The following PLEKHH2 variants were observed in gnomAD, a reference collection of about 807,000 sequenced individuals.
The protein encoded by PLEKHH2 is pleckstrin homology domain-containing family H member 2.
Under a neutral mutation model 187.9 loss-of-function variants are expected in PLEKHH2, and 129 were observed. The observed-to-expected ratio is 0.69, with a 90% CI of 0.59 to 0.79. The LOEUF (loss-of-function observed/expected upper bound fraction) is 0.79. Ranked by LOEUF, PLEKHH2 falls within the 30% of genes least tolerant of loss-of-function variation. PLEKHH2 has a pLI of 0.00. For synonymous variants in PLEKHH2, 686 were observed against 605.6 expected (o/e 1.13, Z -1.95); for missense variants, 2,076 against 1,751.2 (o/e 1.19, Z -3.31).
chr2:43,734,772 A>G (rs1671208970), intron 19 of PLEKHH2, among the ~76,000 whole-genome samples: 1 of 152,248 alleles, frequency 6.6e-6, no homozygotes, highest in African/African-American at 2.4e-5. Context: ...AAAGTAAGTC[A>G]GTATATTGAA....
chr2:43,730,442 A>G (rs1260537228), intron 18 of PLEKHH2, among the ~76,000 whole-genome samples: 5 of 152,234 alleles, frequency 3.3e-5, no homozygotes, highest in Admixed American at 3.3e-4. Context: ...TCTGTCACCC[A>G]GGCTGGAGTG....
chr2:43,693,193 G>A, intron 4 of PLEKHH2, among the ~76,000 whole-genome samples: 1 of 152,100 alleles, frequency 6.6e-6, no homozygotes, highest in Non-Finnish European at 1.5e-5. Context: ...CCAACCTGCT[G>A]GGATTACAGG....
intron 15 of PLEKHH2, among the ~76,000 whole-genome samples, chr2:43,713,204 G>A (rs906197093): frequency 3.9e-5 from 6 of 152,058 alleles, no homozygotes; most frequent in Non-Finnish European, 8.8e-5. Context: ...ATTTAATTAT[G>A]AGATGTTCCT....
At chr2:43,760,306 C>T (rs1006505381) in intron 27 of PLEKHH2, among the ~76,000 whole-genome samples, 1 of 151,480 alleles carries the variant, frequency 6.6e-6, no homozygotes. Flanking sequence ...TGCTTCATGG[C>T]ATCCTGTTTT....
rs1439322815 is a variant in PLEKHH2, at chr2:43,765,508, A to G, written c.4392A>G (p.Ser1464=). ...ACCTCTCTGCTCCAGCACTGCTCTC[A>G]GCCCAGACCCGGGGACCCCAAGCCA... is the stretch of plus-strand genomic sequence containing the variant. ...FHHLSAPALL[S]AQTRGPQARM... Residue 1464 remains serine (S), a synonymous_variant, in exon 30 of 30, where the codon TCA becomes TCG. Transcript: ENST00000282406. 6.2e-7 allele frequency: 1 copy of G among 1,614,148 alleles called. No homozygotes were observed. Among genetic ancestry groups the G allele is most frequent in the Admixed American group, 1.7e-5 (1 of 60,022 alleles).
rs1669306344 is a variant in PLEKHH2 at position 43,700,468 on chromosome 2, G to T, written c.1510G>T (p.Asp504Tyr). Residue 504 changes from aspartate (D) to tyrosine (Y), a missense_variant, in exon 8 of 30, where the codon GAC becomes TAC. Physicochemically the swap from Asp to Tyr is radical, Grantham distance 160. Transcript: ENST00000282406. ...GDSTEVLENM[D>Y]TSCDDGLFSY... is the part of the protein sequence containing the mutation. ...CAGTACAGAAGTTTTAGAGAATATG[G>T]ACACGAGTTGTGATGATGGATTATT... The T allele has an allele frequency of 6.2e-7, 1 of 1,613,916 alleles. No homozygotes were observed. Among genetic ancestry groups the T allele is most frequent in the African/African-American group, 1.3e-5 (1 of 74,872 alleles).
At chr2:43,720,644 G>A (rs762085478) in intron 15 of PLEKHH2, 25 bp from the exon 16 acceptor site, 6 of 1,605,690 alleles carry the variant, frequency 3.7e-6, no homozygotes, top group South Asian at 2.2e-5. Context: ...GGCTAAACTT[G>A]TAATTCATTG....
At chr2:43,653,039 A>G (rs768760801) in intron 2 of PLEKHH2, among the ~76,000 whole-genome samples, 3 of 152,158 alleles carry the variant, frequency 2.0e-5, no homozygotes, top group Non-Finnish European at 4.4e-5. Flanking sequence ...AGAGATGGAA[A>G]ATAGGAGAGA....
At chr2:43,757,317 T>C (rs945908057) in intron 26 of PLEKHH2, 53 bp downstream of exon 26, 70 of 1,337,590 alleles carry the variant, frequency 5.2e-5, no homozygotes, top group Non-Finnish European at 6.0e-5. Flanking sequence ...AGTTTTTTGG[T>C]AATATTTTTG....
intron 2 of PLEKHH2, chr2:43,676,104 G>T (rs1411738041): frequency 6.2e-7 from 1 of 1,613,768 alleles, no homozygotes; most frequent in Non-Finnish European, 8.5e-7. Context: ...CTCCAAAGAT[G>T]ATACAGAAAA....
intron 2 of PLEKHH2, among the ~76,000 whole-genome samples, chr2:43,668,749 G>C (rs886199027): frequency 3.9e-5 from 6 of 152,174 alleles, no homozygotes; most frequent in African/African-American, 1.4e-4. Context: ...GAGGAGGGAG[G>C]ATCCCTTGAG....
chr2:43,753,022 G>T (rs1427934501), intron 24 of PLEKHH2, among the ~76,000 whole-genome samples: 1 of 152,116 alleles, frequency 6.6e-6, no homozygotes, highest in Non-Finnish European at 1.5e-5. Flanking sequence ...TGATTTGGGG[G>T]TAGTTTTGAG....
chr2:43,716,701 A>G (rs1199957026), intron 15 of PLEKHH2, among the ~76,000 whole-genome samples: 1 of 152,244 alleles, frequency 6.6e-6, no homozygotes, highest in Non-Finnish European at 1.5e-5. Context: ...TATGCCCATC[A>G]CCTTGTTTCT....
intron 24 of PLEKHH2, among the ~76,000 whole-genome samples, chr2:43,748,360 C>A (rs1488119053): frequency 6.6e-6 from 1 of 152,210 alleles, no homozygotes; most frequent in Non-Finnish European, 1.5e-5. Context: ...CCCTTGAGGG[C>A]AAACTTTATC....
intron 2 of PLEKHH2, chr2:43,675,742 CTT>C: frequency 6.2e-7 from 1 of 1,613,758 alleles, no homozygotes; most frequent in Non-Finnish European, 8.5e-7. Flanking sequence ...TCTGTTAAGT[CTT>C]TTCATCAACT....
chr2:43,726,635 A>G (rs184735524), intron 17 of PLEKHH2, among the ~76,000 whole-genome samples, 184 bp downstream of exon 17: 1 of 152,312 alleles, frequency 6.6e-6, no homozygotes, highest in East Asian at 1.9e-4. Flanking sequence ...TCATTTTCTA[A>G]TCCTGTTGGT....
chr2:43,745,415 G>C (rs774120117), intron 23 of PLEKHH2, among the ~76,000 whole-genome samples: 16 of 152,154 alleles, frequency 1.1e-4, no homozygotes, highest in Admixed American at 7.2e-4. Flanking sequence ...GGCCTAGAGA[G>C]GGAAATGAGT....
chr2:43,689,862 G>C (rs1362756145), intron 3 of PLEKHH2, among the ~76,000 whole-genome samples: 1 of 152,194 alleles, frequency 6.6e-6, no homozygotes, highest in Non-Finnish European at 1.5e-5. Context: ...TAAAAGAGTA[G>C]TTCCAAACCA....
chr2:43,744,421 C>A (rs528826584), intron 23 of PLEKHH2, among the ~76,000 whole-genome samples: 3 of 152,102 alleles, frequency 2.0e-5, no homozygotes, highest in Non-Finnish European at 4.4e-5. Flanking sequence ...AATTTGCTTA[C>A]GGAAGAGCAG....
Sources: gnomAD v4.1 joint callset for allele counts (sites outside exome capture counted in the v4.1 genomes callset) on GRCh38, gnomAD v4.1.1 for gene constraint, MANE v1.5 for transcripts, NCBI Gene and HGNC (gene_info 2026-07-23, HGNC 2026-07-21) for gene names.